GRTP1: variants seen among roughly 807,000 people sequenced by gnomAD.
GRTP1 encodes the protein growth hormone regulated TBC protein 1, also known as growth hormone-regulated TBC protein 1.
A neutral mutation model predicts 38.1 loss-of-function variants in GRTP1; 56 were observed. The observed-to-expected ratio is 1.47, with a 90% CI of 1.19 to 1.84. The LOEUF (loss-of-function observed/expected upper bound fraction) is 1.84, where lower values mean the gene tolerates loss of function less well. Among genes scored for constraint, GRTP1 ranks in the 40% most tolerant of loss-of-function variants. The pLI is 0.00. For missense variants in GRTP1, 506 were observed against 453.9 expected, an observed-to-expected ratio of 1.11 and a Z score of -1.04; for synonymous variants, 217 against 189.5, an observed-to-expected ratio of 1.14 and a Z score of -1.19.
At chr13:113,331,678 CAG>C (rs1405618769) in intron 5 of GRTP1, among the ~76,000 whole-genome samples, 1 of 109,064 alleles carries the variant, frequency 9.2e-6, no homozygotes, top group African/African-American at 3.8e-5. Flanking sequence ...TTTTTTTAGA[CAG>C]AGTCTCACTC....
intron 3 of GRTP1, 72 bp from the exon 4 acceptor site, chr13:113,351,045 AG>A (rs2139497672): frequency 1.3e-6 from 2 of 1,597,510 alleles, no homozygotes; most frequent in Admixed American, 3.4e-5. Flanking sequence ...AGCTGCCCCG[AG>A]GGTGGCCACC....
At chr13:113,325,311 C>A in intron 7 of GRTP1, 1 of 1,356,006 alleles carries the variant, frequency 7.4e-7, no homozygotes. Context: ...CCACAACGCC[C>A]TCATCAGGAC....
At chr13:113,345,481 G>A (rs563246061) in intron 4 of GRTP1, among the ~76,000 whole-genome samples, 22 of 152,382 alleles carry the variant, frequency 1.4e-4, no homozygotes, top group South Asian at 4.1e-4. Flanking sequence ...CCTCTCCATC[G>A]AGGGCAGCCC....
In GRTP1 at chr13:113,348,071, C is replaced by T. The variant is rs1175805177; in HGVS notation, c.465+2778G>A. ...GAGGATCTCCGTGGCTGAGAATGGA[C>T]CCCTTTGAGTGGACAGTGCTACTGG... On this transcript the variant is annotated intron_variant, in intron 4 of 7. Transcript: ENST00000375431. This position sits in a 1 kb window ranked among gnomAD's most constrained non-coding sequence, Gnocchi z 4.8. 6.6e-6 allele frequency among the ~76,000 whole-genome samples: 1 copy of T among 152,122 alleles called. No individual in the cohort carries two copies. Among genetic ancestry groups the T allele is most frequent in the East Asian group, 1.9e-4 (1 of 5,196 alleles).
intron 5 of GRTP1, among the ~76,000 whole-genome samples, chr13:113,334,280 A>ACTGCCTCCCCCCCCCCCCCCCG (rs1202504022): frequency 7.0e-6 from 1 of 142,484 alleles, no homozygotes. Flanking sequence ...CACTGCCACG[A>ACTGCCTCCCCCCCCCCCCCCCG]CAGCCTCCCG....
rs749915306 is a variant in GRTP1 at position 113,324,445 on chromosome 13, G to A, written c.*43C>T. 2.6e-6 allele frequency: 4 copies of A among 1,513,088 alleles called. No homozygotes were observed. The highest frequency in any genetic ancestry group is 2.3e-5 in the Admixed American group (1 of 43,602). The allele number at this position is 1,513,088 out of a possible 1,614,324, so 93.7% of individuals were successfully genotyped here. A position where few individuals can be genotyped will look rare whatever the true frequency, so the allele number is the denominator to read the frequency against. ...GGTCCAGTGTCAACTCTGGAAAGGG[G>A]CATCGTCAGTGTAGAGACGAGCAAC... On this transcript the variant is annotated 3_prime_UTR_variant, in exon 8 of 8. Transcript: ENST00000375431.
rs907485983 is a variant in GRTP1 at position 113,349,349 on chromosome 13, C to G, written c.465+1500G>C. ...GACCACAGGCGTGTGCCACCACACC[C>G]CGCTAATTTTTAAAAATATTTTGTA... On this transcript the variant is annotated intron_variant, in intron 4 of 7. Transcript: ENST00000375431. The surrounding 1 kb of genome is among the most constrained non-coding windows in gnomAD (Gnocchi z 5.0). Among the ~76,000 whole-genome samples the G allele has an allele frequency of 3.3e-5, 5 of 150,338 alleles. No individual in the cohort carries two copies. The highest frequency in any genetic ancestry group is 6.6e-5 in the Admixed American group (1 of 15,078).
chr13:113,350,710 C>T (rs1469185482), intron 4 of GRTP1, 139 bp downstream of exon 4: 8 of 803,896 alleles, frequency 1.0e-5, no homozygotes, highest in Admixed American at 3.1e-5. Context: ...AAATGGCGTC[C>T]GAGCCTCAAT....
chr13:113,326,170 A>C, intron 5 of GRTP1, 79 bp from the exon 6 acceptor site: 1 of 1,552,082 alleles, frequency 6.4e-7, no homozygotes, highest in Non-Finnish European at 8.7e-7. Flanking sequence ...AGCCAGACAA[A>C]GACAACAGGG....
At chr13:113,354,819 G>T in intron 3 of GRTP1, among the ~76,000 whole-genome samples, 1 of 152,216 alleles carries the variant, frequency 6.6e-6, no homozygotes, top group Non-Finnish European at 1.5e-5. Context: ...GAGCCACCGC[G>T]CCCGGCCTTA....
chr13:113,325,993 G>GC lies in GRTP1; in HGVS notation c.660dup (p.Arg221AlafsTer36). On this transcript the variant is annotated frameshift_variant, in exon 6 of 8. Coordinates refer to ENST00000375431, the MANE Select transcript of GRTP1 (RefSeq NM_024719.4). LOFTEE classifies it high-confidence loss of function. ...AGCAGCGTCCACAGCACACCGAGACGCTCCATCAGGGCCCCCACAGCCGGC... is the reference window on the plus strand; with the variant it reads ...AGCAGCGTCCACAGCACACCGAGACGCCTCCATCAGGGCCCCCACAGCCGGC... 6.2e-7 allele frequency: 1 copy of GC among 1,613,764 alleles called. No individual in the cohort carries two copies. The highest frequency in any genetic ancestry group is 8.5e-7 in the Non-Finnish European group (1 of 1,179,940).
At chr13:113,355,261 G>A in intron 3 of GRTP1, 62 bp downstream of exon 3, 2 of 1,570,194 alleles carry the variant, frequency 1.3e-6, no homozygotes, top group East Asian at 2.3e-5. Context: ...TAGACACTGG[G>A]TGGAAACCGG....
At chr13:113,332,430 A>G (rs4907611) in intron 5 of GRTP1, among the ~76,000 whole-genome samples, 1 of 65,106 alleles carries the variant, frequency 1.5e-5, no homozygotes, top group East Asian at 5.1e-4. Context: ...CACACCACAC[A>G]GGCACACACG....
intron 5 of GRTP1, among the ~76,000 whole-genome samples, chr13:113,333,182 G>C (rs1375911642): frequency 6.6e-6 from 1 of 152,202 alleles, no homozygotes; most frequent in Non-Finnish European, 1.5e-5. Context: ...CGGAGGGTTG[G>C]CTTACCCAAG....
At chr13:113,341,487 G>A (rs2043025916) in intron 5 of GRTP1, among the ~76,000 whole-genome samples, 1 of 152,092 alleles carries the variant, frequency 6.6e-6, no homozygotes, top group Non-Finnish European at 1.5e-5. Flanking sequence ...GGCTGGTCTC[G>A]AACTCCTGAC....
chr13:113,324,898 C>T (rs2042736757), intron 7 of GRTP1: 9 of 745,182 alleles, frequency 1.2e-5, no homozygotes, highest in Non-Finnish European at 1.5e-5. Context: ...GCGATCTCGG[C>T]TCACTGCAAC....
rs899709033 is a variant in GRTP1 at position 113,343,098 on chromosome 13, T to C, written c.562+1765A>G. 6.6e-6 allele frequency among the ~76,000 whole-genome samples: 1 copy of C among 152,056 alleles called. No individual in the cohort carries two copies. The highest frequency in any genetic ancestry group is 1.5e-5 in the Non-Finnish European group (1 of 68,004). Reference sequence around the variant, plus strand: ...CCAGAACACGATAGGTTTTCAACAATATGTGGTGAAAAGAACTGCATGGCC... The same window carrying C: ...CCAGAACACGATAGGTTTTCAACAACATGTGGTGAAAAGAACTGCATGGCC... On this transcript the variant is annotated intron_variant, in intron 5 of 7. Transcript: ENST00000375431. The surrounding 1 kb of genome is among the most constrained non-coding windows in gnomAD (Gnocchi z 4.8).
intron 3 of GRTP1, 61 bp from the exon 4 acceptor site, chr13:113,351,034 C>T (rs917974312): frequency 1.6e-5 from 25 of 1,604,066 alleles, no homozygotes; most frequent in Non-Finnish European, 2.0e-5. Context: ...CCCACCCCTC[C>T]AGCTGCCCCG....
In GRTP1 at chr13:113,347,530, C is replaced by CCG. The variant is rs2043176723; in HGVS notation, c.466-2572_466-2571insCG. ...AGCGGACCCAGGAGCACCTCTGTGGCTGAGCGGATCCGGGAGGACCTCTGT... is the reference window on the plus strand; with the variant it reads ...AGCGGACCCAGGAGCACCTCTGTGGCCGTGAGCGGATCCGGGAGGACCTCTGT... On this transcript the variant is annotated intron_variant, in intron 4 of 7. Coordinates refer to ENST00000375431, the MANE Select transcript of GRTP1 (RefSeq NM_024719.4). Among the ~76,000 whole-genome samples, 4 of 76,476 alleles carry CCG rather than the reference C, an allele frequency of 5.2e-5. 1 individual carries two copies. Among genetic ancestry groups the CCG allele is most frequent in the Non-Finnish European group, 5.8e-5 (2 of 34,522 alleles). 50.2% of individuals were successfully genotyped at this position (76,476 alleles called of 152,430 possible). A position where few individuals can be genotyped will look rare whatever the true frequency, so the allele number is the denominator to read the frequency against.
Sources: allele counts gnomAD v4.1 joint callset (sites outside exome capture counted in the v4.1 genomes callset), GRCh38; gene constraint gnomAD v4.1.1; non-coding constraint Gnocchi (gnomAD v3.1); transcripts MANE v1.5; gene names NCBI Gene and HGNC (gene_info 2026-07-23, HGNC 2026-07-21).